The following ZNF804A variants were observed in gnomAD, a reference collection of about 807,000 sequenced individuals.
ZNF804A encodes the protein zinc finger protein 804A.
In ZNF804A, 2 loss-of-function variants were observed where a neutral mutation model predicts 16.5. The ratio of observed to expected loss-of-function variants is 0.12; its 90% confidence interval spans 0.05 to 0.38. ZNF804A has a LOEUF of 0.38. ZNF804A is among the 10% of genes least tolerant of loss of function. The probability of loss-of-function intolerance (pLI) is 0.99; values close to 1 mark genes in which losing one functional copy is unlikely to be tolerated. For synonymous variants in ZNF804A, 534 were observed against 489.6 expected, an observed-to-expected ratio of 1.09 and a Z score of -1.20; for missense variants, 1,473 against 1,390.7, an observed-to-expected ratio of 1.06 and a Z score of -0.94.
At chr2:184,747,698 T>C (rs1693811140) in intron 1 of ZNF804A, among the ~76,000 whole-genome samples, 1 of 151,332 alleles carries the variant, frequency 6.6e-6, no homozygotes, top group South Asian at 2.1e-4. Flanking sequence ...TAATTTTAGC[T>C]TTTATTTTAG....
At chr2:184,803,700 C>A (rs1371625951) in intron 1 of ZNF804A, among the ~76,000 whole-genome samples, 1 of 152,082 alleles carries the variant, frequency 6.6e-6, no homozygotes, top group Non-Finnish European at 1.5e-5. Flanking sequence ...CAATTTAATT[C>A]CTCATACTTC....
chr2:184,901,719 A>G (rs1180819310), intron 2 of ZNF804A, among the ~76,000 whole-genome samples: 2 of 152,090 alleles, frequency 1.3e-5, no homozygotes, highest in African/African-American at 2.4e-5. Context: ...CCAGAAAGCC[A>G]TTCGTGTGTA....
At chr2:184,721,735 A>C (rs907203306) in intron 1 of ZNF804A, among the ~76,000 whole-genome samples, 1 of 152,164 alleles carries the variant, frequency 6.6e-6, no homozygotes, top group Middle Eastern at 3.2e-3. Context: ...CAATCTCACT[A>C]GTGTGTATTT....
chr2:184,888,891 T>G (rs1684938561), intron 2 of ZNF804A, among the ~76,000 whole-genome samples: 1 of 152,124 alleles, frequency 6.6e-6, no homozygotes, highest in South Asian at 2.1e-4. Flanking sequence ...TATTTACATT[T>G]CATGAATTGC....
chr2:184,923,800 G>A (rs1295098752), intron 2 of ZNF804A, among the ~76,000 whole-genome samples: 1 of 151,938 alleles, frequency 6.6e-6, no homozygotes, highest in Non-Finnish European at 1.5e-5. Flanking sequence ...AGCATCATTT[G>A]AAACAATTAT....
chr2:184,704,327 G>GT lies in ZNF804A; in HGVS notation c.111+105261dup, dbSNP rs1024603180. On this transcript the variant is annotated intron_variant, in intron 1 of 3. Transcript: ENST00000302277. ...TCCAACATGCCTGACTAATTTTGTA[G>GT]TTTTAGTAGAGACGGGGTTTCTCCA... is the stretch of plus-strand genomic sequence containing the variant. Among the ~76,000 whole-genome samples, 122 of 151,748 alleles carry GT rather than the reference G, an allele frequency of 8.0e-4. 3 individuals carry two copies. The highest frequency in any genetic ancestry group is 1.9e-4 in the Non-Finnish European group (13 of 67,894).
rs369763765 is a variant in ZNF804A, at chr2:184,884,208, A to G, written c.255+17696A>G. 4.6e-5 allele frequency among the ~76,000 whole-genome samples: 7 copies of G among 152,250 alleles called. No homozygotes were observed. The South Asian group carries it at 8.3e-4, about 18-fold the overall frequency. Reference sequence around the variant, plus strand: ...GAACACAACACAGTTCACAATAGCTACAAAAGGTATAAAATACCTAGGAAT... The same window carrying G: ...GAACACAACACAGTTCACAATAGCTGCAAAAGGTATAAAATACCTAGGAAT... On this transcript the variant is annotated intron_variant, in intron 2 of 3. Coordinates refer to ENST00000302277, the MANE Select transcript of ZNF804A (RefSeq NM_194250.2).
At chr2:184,614,068 T>C (rs1480880920) in intron 1 of ZNF804A, among the ~76,000 whole-genome samples, 1 of 152,140 alleles carries the variant, frequency 6.6e-6, no homozygotes, top group African/African-American at 2.4e-5. Context: ...AACAGCATGG[T>C]ACTGGTACCA....
In ZNF804A at chr2:184,763,630, C is replaced by CTTT. The variant is rs1188087789; in HGVS notation, c.112-102709_112-102707dup. Among the ~76,000 whole-genome samples, 120 of 21,268 alleles carry CTTT rather than the reference C, an allele frequency of 5.6e-3. 22 individuals carry two copies. Among genetic ancestry groups the CTTT allele is most frequent in the African/African-American group, 8.8e-3 (45 of 5,094 alleles). The allele number at this position is 21,268 out of a possible 152,430, so 14.0% of individuals were successfully genotyped here. A position where few individuals can be genotyped will look rare whatever the true frequency, so the allele number is the denominator to read the frequency against. ...TGCTTTACTTTTTTTCTTCAAAGTG[C>CTTT]TTTTTTTTTTTTTTTTTTTTTTTTT... On this transcript the variant is annotated intron_variant, in intron 1 of 3. Coordinates refer to ENST00000302277, the MANE Select transcript of ZNF804A (RefSeq NM_194250.2).
intron 2 of ZNF804A, among the ~76,000 whole-genome samples, chr2:184,928,745 G>C (rs1685647444): frequency 6.6e-6 from 1 of 152,166 alleles, no homozygotes; most frequent in Admixed American, 6.5e-5. Flanking sequence ...GCTAGGGCTG[G>C]TTTAAATACT....
chr2:184,850,180 C>T (rs989936317), intron 1 of ZNF804A, among the ~76,000 whole-genome samples: 5 of 151,486 alleles, frequency 3.3e-5, no homozygotes, highest in Non-Finnish European at 5.9e-5. Context: ...CTACAGCCAG[C>T]AATAATTTAC....
At chr2:184,828,808 T>C (rs1206607608) in intron 1 of ZNF804A, among the ~76,000 whole-genome samples, 1 of 151,854 alleles carries the variant, frequency 6.6e-6, no homozygotes, top group Non-Finnish European at 1.5e-5. Context: ...TTCAGTTAAA[T>C]CTTGTTCTCA....
At chr2:184,611,351 C>T (rs1198923967) in intron 1 of ZNF804A, among the ~76,000 whole-genome samples, 2 of 151,822 alleles carry the variant, frequency 1.3e-5, no homozygotes, top group Non-Finnish European at 2.9e-5. Flanking sequence ...TTTACCCATA[C>T]CCCAAGAATG....
intron 1 of ZNF804A, among the ~76,000 whole-genome samples, chr2:184,642,796 G>T (rs952683723): frequency 2.6e-5 from 4 of 152,120 alleles, no homozygotes; most frequent in African/African-American, 9.7e-5. Context: ...ACATTCTTAA[G>T]ACCATATTCT....
At chr2:184,859,934 G>C (rs982720482) in intron 1 of ZNF804A, among the ~76,000 whole-genome samples, 1 of 152,202 alleles carries the variant, frequency 6.6e-6, no homozygotes, top group Non-Finnish European at 1.5e-5. Context: ...CCATGAGCCT[G>C]AGTCTTCAAG....
intron 1 of ZNF804A, among the ~76,000 whole-genome samples, chr2:184,770,006 C>T (rs532503726): frequency 1.1e-3 from 168 of 151,928 alleles, no homozygotes; most frequent in African/African-American, 3.1e-3. Flanking sequence ...TTTTGAGTTT[C>T]GAAGAAAGAT....
intron 2 of ZNF804A, among the ~76,000 whole-genome samples, chr2:184,895,591 A>C (rs1444399066): frequency 1.3e-5 from 2 of 152,182 alleles, no homozygotes; most frequent in Non-Finnish European, 2.9e-5. Context: ...TAGTCTGAAA[A>C]CTCAGTTATA....
At chr2:184,840,981 C>G (rs140399105) in intron 1 of ZNF804A, among the ~76,000 whole-genome samples, 1 of 152,062 alleles carries the variant, frequency 6.6e-6, no homozygotes, top group East Asian at 1.9e-4. Context: ...ATGCTGCAAG[C>G]GAACAATGGA....
intron 1 of ZNF804A, among the ~76,000 whole-genome samples, chr2:184,643,315 G>A (rs936387448): frequency 7.2e-5 from 11 of 151,886 alleles, no homozygotes; most frequent in Non-Finnish European, 1.0e-4. Flanking sequence ...GTCAAGTCAC[G>A]TAAACATTTT....
Sources: gnomAD v4.1 joint callset for allele counts (sites outside exome capture counted in the v4.1 genomes callset) on GRCh38, gnomAD v4.1.1 for gene constraint, MANE v1.5 for transcripts, NCBI Gene and HGNC (gene_info 2026-07-23, HGNC 2026-07-21) for gene names.